PCDH7: variants seen among roughly 807,000 people sequenced by gnomAD.
The protein encoded by PCDH7 is protocadherin 7, also known as protocadherin-7.
PCDH7 carries 17 observed loss-of-function variants against 58.9 expected under a neutral mutation model. That is an observed-to-expected ratio of 0.29 (90% confidence interval 0.20 to 0.43). The LOEUF is 0.43. Among genes scored for constraint, PCDH7 ranks in the 20% least tolerant of loss-of-function variants. The pLI is 1.00. For missense variants in PCDH7, 1,274 were observed against 1,441.0 expected, an observed-to-expected ratio of 0.88 and a Z score of 1.88; for synonymous variants, 664 against 616.4, an observed-to-expected ratio of 1.08 and a Z score of -1.14.
At chr4:31,063,158 A>G (rs1757821199) in intron 3 of PCDH7, among the ~76,000 whole-genome samples, 1 of 151,896 alleles carries the variant, frequency 6.6e-6, no homozygotes, top group Admixed American at 6.6e-5. Context: ...AGATAGATCT[A>G]TTATTATTTA....
At chr4:31,116,894 G>T (rs1322492615) in intron 3 of PCDH7, among the ~76,000 whole-genome samples, 1 of 152,112 alleles carries the variant, frequency 6.6e-6, no homozygotes, top group Non-Finnish European at 1.5e-5. Context: ...GGAGTGCAAT[G>T]GCGCGATCTC....
chr4:30,882,301 A>T (rs1319530263), intron 1 of PCDH7, among the ~76,000 whole-genome samples: 1 of 150,626 alleles, frequency 6.6e-6, no homozygotes, highest in Non-Finnish European at 1.5e-5. Flanking sequence ...CTTGTTCTGT[A>T]GCTTAGGTTG....
intron 3 of PCDH7, among the ~76,000 whole-genome samples, chr4:31,077,959 G>C (rs1240438375): frequency 1.3e-5 from 2 of 152,104 alleles, no homozygotes; most frequent in East Asian, 3.9e-4. Context: ...TCTGATCCCA[G>C]AATTTACTGG....
At chr4:31,058,659 G>C (rs184416038) in intron 3 of PCDH7, among the ~76,000 whole-genome samples, 1 of 152,040 alleles carries the variant, frequency 6.6e-6, no homozygotes, top group Admixed American at 6.6e-5. Context: ...TATAATGTAG[G>C]TAATATTTTT....
Position 30,780,729 on chromosome 4 carries a change from C to T in PCDH7, c.70+56133C>T, listed in dbSNP as rs369058557. Among the ~76,000 whole-genome samples the T allele has an allele frequency of 2.4e-4, 36 of 152,056 alleles. 2 individuals are homozygous for T. The South Asian group carries it at 6.6e-3, about 28-fold the overall frequency. ...GTTATTGAATTAATTTGTCTGTGTA[C>T]GTCTAATTGAGGATGTTCAGAACAG... On this transcript the variant is annotated intron_variant, in intron 1 of 3. Coordinates refer to the PCDH7 transcript ENST00000509759.
chr4:31,099,903 A>G (rs1714677631), intron 3 of PCDH7, among the ~76,000 whole-genome samples: 1 of 151,656 alleles, frequency 6.6e-6, no homozygotes, highest in African/African-American at 2.4e-5. Context: ...GTAGGAGGGT[A>G]ATGTGATCTT....
chr4:31,065,473 A>T (rs969147475), intron 3 of PCDH7, among the ~76,000 whole-genome samples: 2 of 152,022 alleles, frequency 1.3e-5, no homozygotes, highest in Non-Finnish European at 2.9e-5. Context: ...TTGCTAAGAG[A>T]TCACATTCAG....
intron 1 of PCDH7, among the ~76,000 whole-genome samples, chr4:30,780,672 G>A (rs1722667944): frequency 6.6e-6 from 1 of 152,112 alleles, no homozygotes; most frequent in Non-Finnish European, 1.5e-5. Context: ...TTGACAAATA[G>A]TTGTTTTATT....
chr4:31,128,889 A>C (rs1718636976), intron 3 of PCDH7, among the ~76,000 whole-genome samples: 1 of 152,198 alleles, frequency 6.6e-6, no homozygotes, highest in South Asian at 2.1e-4. Flanking sequence ...GGATGAGGAG[A>C]GTGAGTGGTG....
At chr4:30,899,369 G>A (rs1739895513) in intron 1 of PCDH7, among the ~76,000 whole-genome samples, 1 of 152,044 alleles carries the variant, frequency 6.6e-6, no homozygotes, top group Non-Finnish European at 1.5e-5. Context: ...TGTGTATCTG[G>A]AAATTTTTGT....
intron 1 of PCDH7, among the ~76,000 whole-genome samples, chr4:30,832,779 T>C (rs542840374): frequency 1.3e-5 from 2 of 152,278 alleles, no homozygotes; most frequent in East Asian, 3.9e-4. Context: ...AGGACACAGT[T>C]CCTCTCCTCC....
At chr4:31,124,577 C>T (rs1718074700) in intron 3 of PCDH7, among the ~76,000 whole-genome samples, 1 of 152,170 alleles carries the variant, frequency 6.6e-6, no homozygotes, top group Non-Finnish European at 1.5e-5. Flanking sequence ...ACCTCACTGT[C>T]TTTTCATATA....
chr4:30,782,113 TTAAA>T (rs777927988), intron 1 of PCDH7, among the ~76,000 whole-genome samples: 14 of 149,724 alleles, frequency 9.4e-5, no homozygotes, highest in Non-Finnish European at 1.8e-4. Context: ...ATTTGTGAAT[TTAAA>T]TAATCATGAT....
At chr4:31,001,263 G>T (rs1752341907) in intron 3 of PCDH7, among the ~76,000 whole-genome samples, 1 of 151,952 alleles carries the variant, frequency 6.6e-6, no homozygotes, top group Non-Finnish European at 1.5e-5. Flanking sequence ...AAAATAATAA[G>T]CAGATTTTGT....
At chr4:30,810,655 A>C (rs1160553128) in intron 1 of PCDH7, among the ~76,000 whole-genome samples, 1 of 148,112 alleles carries the variant, frequency 6.8e-6, no homozygotes, top group Non-Finnish European at 1.5e-5. Flanking sequence ...TCTGTCACCC[A>C]GGCTGGAGTG....
intron 3 of PCDH7, among the ~76,000 whole-genome samples, chr4:31,008,734 G>C (rs1025303630): frequency 5.9e-5 from 9 of 152,008 alleles, no homozygotes; most frequent in African/African-American, 1.9e-4. Flanking sequence ...TGCCTGCCAT[G>C]TTTTTTTGTC....
intron 1 of PCDH7, among the ~76,000 whole-genome samples, chr4:30,752,420 T>A (rs1484779652): frequency 6.6e-6 from 1 of 152,194 alleles, no homozygotes; most frequent in African/African-American, 2.4e-5. Context: ...CACACCCAAG[T>A]AGGTGATACC....
intron 3 of PCDH7, among the ~76,000 whole-genome samples, chr4:31,104,826 A>G (rs1444602929): frequency 1.3e-5 from 2 of 152,200 alleles, no homozygotes; most frequent in African/African-American, 4.8e-5. Flanking sequence ...GAGCGTATTG[A>G]TCAATTAGTG....
chr4:30,970,395 C>T (rs150002470), intron 3 of PCDH7, among the ~76,000 whole-genome samples: 2,025 of 151,854 alleles, frequency 0.013, 47 homozygotes, highest in African/African-American at 0.047. Flanking sequence ...GCCGTGTTCA[C>T]GCCATTCTCC....
Sources: allele counts gnomAD v4.1 joint callset (sites outside exome capture counted in the v4.1 genomes callset), GRCh38; gene constraint gnomAD v4.1.1; transcripts MANE v1.5; gene names NCBI Gene and HGNC (gene_info 2026-07-23, HGNC 2026-07-21).